ZFP64: variants seen among roughly 807,000 people sequenced by gnomAD.
The protein encoded by ZFP64 is ZFP64 zinc finger protein.
In ZFP64, 14 loss-of-function variants were observed where a neutral mutation model predicts 51.6. The ratio of observed to expected loss-of-function variants is 0.27; its 90% CI spans 0.18 to 0.42. ZFP64 has a LOEUF of 0.42. Among genes scored for constraint, ZFP64 ranks in the 10% least tolerant of loss-of-function variants. The pLI is 1.00. For synonymous variants in ZFP64, 375 were observed against 361.4 expected (o/e 1.04, Z -0.43); for missense variants, 754 against 906.8 (o/e 0.83, Z 2.16).
At chr20:52,117,511 C>A (rs768096324) in intron 5 of ZFP64, 2 of 377,102 alleles carry the variant, frequency 5.3e-6, no homozygotes, top group Non-Finnish European at 1.0e-5. Flanking sequence ...CCCAGCTACT[C>A]GGGAGGCTGA....
At chr20:52,086,478 A>ATTTTTTTT (rs11476509) in intron 8 of ZFP64, among the ~76,000 whole-genome samples, 3 of 142,614 alleles carry the variant, frequency 2.1e-5, no homozygotes. Flanking sequence ...TTCACAAGGA[A>ATTTTTTTT]TTTTTTTTTT....
chr20:52,180,426 T>C (rs898321595), intron 2 of ZFP64, among the ~76,000 whole-genome samples: 5 of 151,904 alleles, frequency 3.3e-5, no homozygotes, highest in Admixed American at 3.3e-4. Context: ...TTGTGATACA[T>C]GCTAGCGGAG....
At chr20:52,104,038 G>A (rs1200572676) in intron 5 of ZFP64, among the ~76,000 whole-genome samples, 1 of 152,186 alleles carries the variant, frequency 6.6e-6, no homozygotes, top group Non-Finnish European at 1.5e-5. Context: ...TTCCGCGCCC[G>A]GAAAGAGCGG....
chr20:52,111,202 T>A (rs1978555532), intron 5 of ZFP64, among the ~76,000 whole-genome samples: 1 of 87,236 alleles, frequency 1.1e-5, no homozygotes, highest in Non-Finnish European at 2.6e-5. Context: ...GGTCAATTTT[T>A]TTTTTTTTTT....
At chr20:52,147,345 C>T (rs1600751978), downstream of ZFP64, among the ~76,000 whole-genome samples, 1 of 152,002 alleles carries the variant, frequency 6.6e-6, no homozygotes. Flanking sequence ...AGAAAATGAC[C>T]TAAGTACCAT....
chr20:52,116,265 A>G (rs888532459), intron 5 of ZFP64, among the ~76,000 whole-genome samples: 1 of 151,544 alleles, frequency 6.6e-6, no homozygotes, highest in African/African-American at 2.4e-5. Flanking sequence ...CCTCCCGAGT[A>G]GCTGGGATTA....
At chr20:52,146,461 C>T (rs942466921), downstream of ZFP64, among the ~76,000 whole-genome samples, 3 of 151,180 alleles carry the variant, frequency 2.0e-5, no homozygotes, top group African/African-American at 7.3e-5. Context: ...TCATCATTCT[C>T]AGTAAACTAT....
chr20:52,159,160 A>C (rs1417930904), intron 5 of ZFP64, among the ~76,000 whole-genome samples: 1 of 152,256 alleles, frequency 6.6e-6, no homozygotes, highest in Admixed American at 6.5e-5. Flanking sequence ...GACCTAAAGT[A>C]TGTTAGCAAC....
chr20:52,141,242 G>A (rs1980241276), intron 5 of ZFP64, among the ~76,000 whole-genome samples: 1 of 152,304 alleles, frequency 6.6e-6, no homozygotes, highest in South Asian at 2.1e-4. Flanking sequence ...GGGTAATTTT[G>A]ACCTTGAAGT....
At chr20:52,177,754 C>G (rs752792596) in intron 2 of ZFP64, among the ~76,000 whole-genome samples, 1 of 152,138 alleles carries the variant, frequency 6.6e-6, no homozygotes. Context: ...CAACAGAGGC[C>G]GGGCGTGGTT....
chr20:52,103,781 A>T lies in ZFP64; in HGVS notation c.764-5194T>A, dbSNP rs187211772. On this transcript the variant is annotated intron_variant, in intron 5 of 8. Coordinates refer to the ZFP64 transcript ENST00000361387. ...CTGTAAGTCTCACCTGCCTATCTCC[A>T]TCCCAGGCCTCGGGCACGAGGGTGG... Among the ~76,000 whole-genome samples the T allele has an allele frequency of 1.9e-3, 283 of 152,208 alleles. 1 individual carries two copies. Among genetic ancestry groups the T allele is most frequent in the African/African-American group, 6.5e-3 (268 of 41,546 alleles).
rs1365871635 is a variant in ZFP64, at chr20:52,084,887, G to A, written c.1608C>T (p.Ser536=). 13 of 1,613,646 alleles carry A rather than the reference G, an allele frequency of 8.1e-6. No individual in the cohort carries two copies. In the East Asian group the frequency reaches 2.9e-4, roughly 36 times the overall value. ...CCTTGTCGACGTGCTTGGCCAGGCT[G>A]CTGGGCCGCTTCGTGTCGAAGCTGC... The change falls in exon 9 of 9, where the codon AGC becomes AGT. Residue 536 remains serine, a synonymous_variant. Coordinates refer to the ZFP64 transcript ENST00000361387.
At position 52,161,940 on chromosome 20, in the gene ZFP64, A is replaced by C. The variant is rs76629900; in HGVS notation, c.512-1566T>G. Among the ~76,000 whole-genome samples, 1,285 of 152,314 alleles carry C rather than the reference A, an allele frequency of 8.4e-3. 19 individuals carry two copies. Among genetic ancestry groups the C allele is most frequent in the African/African-American group, 0.029 (1,210 of 41,566 alleles). On this transcript the variant is annotated intron_variant, in intron 4 of 5. Transcript: ENST00000216923. The stretch of plus-strand genomic sequence containing the variant: ...ACTAGCCAAGTGCTAAAATAGCCAA[A>C]GCTGATCACTGTCGTCATAAATAAA...
Position 52,165,946 on chromosome 20 carries a change from A to G in ZFP64, c.366T>C (p.Thr122=). The change falls in exon 3 of 6, where the codon ACT becomes ACC. Residue 122 remains threonine, a synonymous_variant. Coordinates refer to ENST00000216923, the MANE Select transcript of ZFP64 (RefSeq NM_018197.3). ...GTGACTTGGCAGGGAGAGAGATGAC[A>G]GTGGCTGTCTGGTTTTCATTACTTT... ...PTESNENQTA[T]VISLPAKSRT... The G allele has an allele frequency of 6.2e-7, 1 of 1,614,182 alleles. No individual in the cohort carries two copies. Among genetic ancestry groups the G allele is most frequent in the Non-Finnish European group, 8.5e-7 (1 of 1,180,046 alleles).
rs575977939 is a variant in ZFP64, at chr20:52,144,022, T to G, written c.763+16101A>C. Reference sequence around the variant, plus strand: ...GCATTCCTGATTGCCTATGTAATCATGCATTTGTTAATCCTCCTTTGAGCC... The same window carrying G: ...GCATTCCTGATTGCCTATGTAATCAGGCATTTGTTAATCCTCCTTTGAGCC... On this transcript the variant is annotated intron_variant, in intron 5 of 8. Transcript: ENST00000361387. Among the ~76,000 whole-genome samples, 21 of 143,430 alleles carry G rather than the reference T, an allele frequency of 1.5e-4. 2 individuals carry two copies. Among genetic ancestry groups the G allele is most frequent in the Admixed American group, 5.7e-4 (8 of 13,926 alleles). 94.1% of individuals were successfully genotyped at this position (143,430 alleles called of 152,430 possible). A position where few individuals can be genotyped will look rare whatever the true frequency, so the allele number is the denominator to read the frequency against.
chr20:52,185,579 CTT>C (rs11472663), intron 2 of ZFP64, among the ~76,000 whole-genome samples: 7 of 127,850 alleles, frequency 5.5e-5, no homozygotes, highest in Admixed American at 8.4e-5. Context: ...CCACTTTGCA[CTT>C]TTTTTTTTTT....
chr20:52,156,962 T>G (rs1045158251), intron 5 of ZFP64, among the ~76,000 whole-genome samples: 1 of 152,212 alleles, frequency 6.6e-6, no homozygotes, highest in African/African-American at 2.4e-5. Flanking sequence ...CTGGACATTT[T>G]GTAAGCAGAA....
intron 3 of ZFP64, 67 bp downstream of exon 3, chr20:52,165,797 G>A (rs1312663294): frequency 2.5e-6 from 4 of 1,599,910 alleles, no homozygotes; most frequent in Non-Finnish European, 3.4e-6. Context: ...GAACTCATGA[G>A]GAGGAGCCCT....
At chr20:52,098,685 C>T in intron 5 of ZFP64, 2 of 1,499,750 alleles carry the variant, frequency 1.3e-6, no homozygotes, top group Middle Eastern at 1.8e-4. Flanking sequence ...CTCCCTTCAC[C>T]TTTCCAGAAA....
Sources: gnomAD v4.1 joint callset for allele counts (sites outside exome capture counted in the v4.1 genomes callset) on GRCh38, gnomAD v4.1.1 for gene constraint, MANE v1.5 for transcripts, NCBI Gene and HGNC (gene_info 2026-07-23, HGNC 2026-07-21) for gene names.